The following KCNQ5 variants were observed in gnomAD, a reference collection of about 807,000 sequenced individuals.
The protein encoded by KCNQ5 is potassium voltage-gated channel subfamily Q member 5, also known as potassium voltage-gated channel subfamily KQT member 5.
Under a neutral mutation model 98.2 loss-of-function variants are expected in KCNQ5, and 30 were observed. The observed-to-expected ratio is 0.31, with a 90% CI of 0.23 to 0.41. KCNQ5 has a LOEUF of 0.41. Among genes scored for constraint, KCNQ5 ranks in the 10% least tolerant of loss-of-function variants. The pLI is 1.00. For missense variants in KCNQ5, 835 were observed against 1,182.5 expected, an observed-to-expected ratio of 0.71 and a Z score of 4.31; for synonymous variants, 458 against 449.4, an observed-to-expected ratio of 1.02 and a Z score of -0.24.
intron 5 of KCNQ5, among the ~76,000 whole-genome samples, chr6:73,104,800 C>A (rs948597503): frequency 2.6e-5 from 4 of 152,170 alleles, no homozygotes; most frequent in Non-Finnish European, 4.4e-5. Flanking sequence ...CCATAAATAT[C>A]TTAGGACAAG....
intron 1 of KCNQ5, among the ~76,000 whole-genome samples, chr6:72,885,571 G>T (rs774978499): frequency 6.6e-6 from 1 of 152,176 alleles, no homozygotes; most frequent in East Asian, 1.9e-4. Flanking sequence ...TATGTACTCT[G>T]AAAATCCTTT....
At chr6:72,689,001 A>C in intron 1 of KCNQ5, among the ~76,000 whole-genome samples, 1 of 152,354 alleles carries the variant, frequency 6.6e-6, no homozygotes, top group East Asian at 1.9e-4. Flanking sequence ...TATAAAAATA[A>C]TTAAAGAGTT....
chr6:72,750,377 C>T (rs554499449), intron 1 of KCNQ5, among the ~76,000 whole-genome samples: 4 of 152,158 alleles, frequency 2.6e-5, no homozygotes, highest in African/African-American at 7.2e-5. Flanking sequence ...AGGAAATACC[C>T]TGTTTTAATA....
chr6:72,674,142 G>C (rs991612141), intron 1 of KCNQ5, among the ~76,000 whole-genome samples: 1 of 151,976 alleles, frequency 6.6e-6, no homozygotes, highest in Non-Finnish European at 1.5e-5. Context: ...ATCCTTTTTG[G>C]AAACAGGAGA....
chr6:72,858,196 C>T (rs1777610289), intron 1 of KCNQ5, among the ~76,000 whole-genome samples: 1 of 151,936 alleles, frequency 6.6e-6, no homozygotes, highest in African/African-American at 2.4e-5. Context: ...TACATTTTTG[C>T]TTTGAAAAAA....
intron 2 of KCNQ5, among the ~76,000 whole-genome samples, chr6:73,015,728 G>A (rs75662001): frequency 0.029 from 4,360 of 152,156 alleles, 205 homozygotes; most frequent in African/African-American, 0.097. Context: ...GAGAGAGAAA[G>A]AGAAACAAGG....
In KCNQ5 at chr6:72,705,590, G is replaced by T. The variant is rs1006600817; in HGVS notation, c.398+83003G>T. On this transcript the variant is annotated intron_variant, in intron 1 of 13. Transcript: ENST00000370398. ...TTTTTTGTTTTTTGTTGTTGTTTTT[G>T]TTTTTTTTTTTGTTGTTGTTGTTTT... Among the ~76,000 whole-genome samples, 45 of 93,112 alleles carry T rather than the reference G, an allele frequency of 4.8e-4. No individual in the cohort carries two copies. In the East Asian group the frequency reaches 8.5e-3, roughly 18 times the overall value. The allele number at this position is 93,112 out of a possible 152,430, so 61.1% of individuals were successfully genotyped here. A position where few individuals can be genotyped will look rare whatever the true frequency, so the allele number is the denominator to read the frequency against.
Position 73,057,396 on chromosome 6 carries a change from G to C in KCNQ5, c.616+15334G>C, listed in dbSNP as rs1275746340. On this transcript the variant is annotated intron_variant, in intron 3 of 13. Transcript: ENST00000370398. The stretch of plus-strand genomic sequence containing the variant: ...CCTAATGTAAATGACAAGTTAATGG[G>C]TGCAGCACACCAACATGGCACATGT... Among the ~76,000 whole-genome samples the C allele has an allele frequency of 2.6e-5, 4 of 151,820 alleles. No individual in the cohort carries two copies. In the South Asian group the frequency reaches 8.3e-4, roughly 32 times the overall value.
intron 1 of KCNQ5, among the ~76,000 whole-genome samples, chr6:72,697,377 C>T (rs1768554793): frequency 6.6e-6 from 1 of 152,082 alleles, no homozygotes; most frequent in South Asian, 2.1e-4. Flanking sequence ...CACAATAACT[C>T]ATGGTGGGTC....
At chr6:72,941,328 CCTTCCTTCCTTCCTTT>C (rs1315526116) in intron 1 of KCNQ5, among the ~76,000 whole-genome samples, 10 of 42,228 alleles carry the variant, frequency 2.4e-4, no homozygotes, top group African/African-American at 3.5e-4. Flanking sequence ...TTCTTTCCTT[CCTTCCTTCCTTCCTTT>C]CTTCCTTCCT....
rs537208296 is a variant in KCNQ5, at chr6:73,012,198, A to T, written c.489+8200A>T. Reference sequence around the variant, plus strand: ...CATAGCAGCATTGTTCACAATAGCCAGAATGTGGAAACGACCCAAGTGTAT... The same window carrying T: ...CATAGCAGCATTGTTCACAATAGCCTGAATGTGGAAACGACCCAAGTGTAT... On this transcript the variant is annotated intron_variant, in intron 2 of 13. Coordinates refer to ENST00000370398, the MANE Select transcript of KCNQ5 (RefSeq NM_019842.4). Among the ~76,000 whole-genome samples, 104 of 152,294 alleles carry T rather than the reference A, an allele frequency of 6.8e-4. 1 individual carries two copies. The highest frequency in any genetic ancestry group is 1.8e-4 in the Non-Finnish European group (12 of 68,016).
intron 9 of KCNQ5, chr6:73,129,718 T>C (rs1776143368): frequency 6.2e-6 from 8 of 1,298,392 alleles, no homozygotes. Context: ...GCTTTGTTTT[T>C]ATAAAAGAAT....
intron 1 of KCNQ5, among the ~76,000 whole-genome samples, chr6:72,808,459 C>T (rs982872876): frequency 6.6e-6 from 1 of 152,110 alleles, no homozygotes; most frequent in South Asian, 2.1e-4. Context: ...TACAAGGGTA[C>T]CCATTGTCAA....
At chr6:73,103,022 A>G (rs1397724297) in intron 5 of KCNQ5, among the ~76,000 whole-genome samples, 1 of 152,192 alleles carries the variant, frequency 6.6e-6, no homozygotes, top group Non-Finnish European at 1.5e-5. Context: ...TTGCAGCACT[A>G]TACACAATGG....
At chr6:72,719,404 G>T (rs1158710113) in intron 1 of KCNQ5, among the ~76,000 whole-genome samples, 1 of 152,024 alleles carries the variant, frequency 6.6e-6, no homozygotes, top group Non-Finnish European at 1.5e-5. Flanking sequence ...ATGTTCTTAA[G>T]TAATGATGAA....
intron 1 of KCNQ5, among the ~76,000 whole-genome samples, chr6:72,714,426 G>A (rs1012404025): frequency 2.0e-5 from 3 of 151,802 alleles, no homozygotes; most frequent in Admixed American, 1.3e-4. Flanking sequence ...TACCATCTTT[G>A]GAGTTCAAGA....
rs1202542597 is a variant in KCNQ5 at position 72,622,135 on chromosome 6, C to G, written c.-55C>G. The G allele has an allele frequency of 2.5e-6, 3 of 1,207,804 alleles. No homozygotes were observed. Among genetic ancestry groups the G allele is most frequent in the Non-Finnish European group, 3.1e-6 (3 of 971,636 alleles). The allele number at this position is 1,207,804 out of a possible 1,614,324, so 74.8% of individuals were successfully genotyped here. On this transcript the variant is annotated 5_prime_UTR_variant, in exon 1 of 14. Transcript: ENST00000370398. This position sits in a 1 kb window ranked among gnomAD's most constrained non-coding sequence, Gnocchi z 6.0. ...TTGAAACCCGCCGGCGCACATGAGGCCGCTGCCCCCGCCGCAGGCGCTGGC... is the reference window on the plus strand; with the variant it reads ...TTGAAACCCGCCGGCGCACATGAGGGCGCTGCCCCCGCCGCAGGCGCTGGC...
intron 1 of KCNQ5, among the ~76,000 whole-genome samples, chr6:72,814,164 G>A (rs993659258): frequency 5.9e-5 from 9 of 152,208 alleles, no homozygotes; most frequent in Non-Finnish European, 1.5e-5. Context: ...AAAGGGAAGG[G>A]TGGGAAGCAG....
intron 1 of KCNQ5, among the ~76,000 whole-genome samples, chr6:72,755,042 G>A (rs556247157): frequency 3.2e-4 from 49 of 151,114 alleles, no homozygotes; most frequent in Admixed American, 3.3e-4. Flanking sequence ...ATATATTCAG[G>A]TTTTTACATA....
Sources: allele counts gnomAD v4.1 joint callset (sites outside exome capture counted in the v4.1 genomes callset), GRCh38; gene constraint gnomAD v4.1.1; non-coding constraint Gnocchi (gnomAD v3.1); transcripts MANE v1.5; gene names NCBI Gene and HGNC (gene_info 2026-07-23, HGNC 2026-07-21).